Variants in SLC22A16 observed in about 807,000 individuals in gnomAD.
SLC22A16 encodes solute carrier family 22 member 16.
SLC22A16 carries 53 observed loss-of-function variants against 52.9 expected under a neutral mutation model. The observed-to-expected ratio is 1.00, with a 90% CI of 0.80 to 1.26. SLC22A16 has a LOEUF of 1.26. SLC22A16 is among the 50% of genes most tolerant of loss of function. SLC22A16 has a pLI of 0.00. For missense variants in SLC22A16, 726 were observed against 704.0 expected (o/e 1.03, Z -0.35); for synonymous variants, 291 against 268.8 (o/e 1.08, Z -0.81).
At chr6:110,474,004 C>G (rs758860691) in intron 1 of SLC22A16, among the ~76,000 whole-genome samples, 1 of 152,096 alleles carries the variant, frequency 6.6e-6, no homozygotes, top group African/African-American at 2.4e-5. Context: ...CAGCGGCCAG[C>G]GAGCATTACT....
At chr6:110,465,010 A>G (rs1211317194) in intron 1 of SLC22A16, among the ~76,000 whole-genome samples, 7 of 152,012 alleles carry the variant, frequency 4.6e-5, no homozygotes, top group Non-Finnish European at 7.4e-5. Context: ...AATGTCATTC[A>G]CCACGTAAAC....
chr6:110,467,246 C>T (rs1255911638), intron 1 of SLC22A16, among the ~76,000 whole-genome samples: 2 of 151,928 alleles, frequency 1.3e-5, no homozygotes, highest in Non-Finnish European at 2.9e-5. Context: ...TCACTGCCAG[C>T]TTCTCTCAGT....
At chr6:110,436,505 G>A (rs1029616419) in intron 5 of SLC22A16, among the ~76,000 whole-genome samples, 1 of 152,066 alleles carries the variant, frequency 6.6e-6, no homozygotes. Context: ...ACATGCCTGT[G>A]GTCCCAGCTA....
chr6:110,429,563 A>AT (rs1774412680), intron 7 of SLC22A16, among the ~76,000 whole-genome samples: 1 of 152,226 alleles, frequency 6.6e-6, no homozygotes, highest in East Asian at 1.9e-4. Flanking sequence ...AATCTATTTG[A>AT]TTTAAAATAG....
At chr6:110,437,888 C>T (rs912231220) in intron 5 of SLC22A16, among the ~76,000 whole-genome samples, 2 of 152,102 alleles carry the variant, frequency 1.3e-5, no homozygotes, top group African/African-American at 4.8e-5. Context: ...TAAAAACAAG[C>T]TCCTTGGGGT....
At chr6:110,460,714 C>A (rs1038226680) in intron 1 of SLC22A16, among the ~76,000 whole-genome samples, 1 of 152,186 alleles carries the variant, frequency 6.6e-6, no homozygotes, top group Non-Finnish European at 1.5e-5. Flanking sequence ...CACTGCCCTG[C>A]CCAAGCAACC....
At chr6:110,454,088 C>A (rs1481070750) in intron 2 of SLC22A16, among the ~76,000 whole-genome samples, 3 of 152,180 alleles carry the variant, frequency 2.0e-5, no homozygotes, top group African/African-American at 7.2e-5. Context: ...ACACCTCCCA[C>A]TAGGCCTCAC....
At chr6:110,429,142 A>G (rs1206509945) in intron 7 of SLC22A16, among the ~76,000 whole-genome samples, 1 of 151,816 alleles carries the variant, frequency 6.6e-6, no homozygotes, top group Non-Finnish European at 1.5e-5. Context: ...ATCTTTTTTG[A>G]AAAAAAATAA....
At chr6:110,476,365 C>A in intron 1 of SLC22A16, 157 bp downstream of exon 1, 1 of 1,360,734 alleles carries the variant, frequency 7.3e-7, no homozygotes, top group Non-Finnish European at 9.4e-7. Context: ...CAGCTAGGGG[C>A]CGGCGTCTGG....
At chr6:110,456,402 G>T in intron 2 of SLC22A16, 136 bp downstream of exon 2, 1 of 1,083,808 alleles carries the variant, frequency 9.2e-7, no homozygotes, top group Non-Finnish European at 1.3e-6. Context: ...CTAAATAATG[G>T]ATCAGCAAAG....
At chr6:110,432,299 G>A (rs1192935127) in intron 6 of SLC22A16, among the ~76,000 whole-genome samples, 2 of 152,082 alleles carry the variant, frequency 1.3e-5, no homozygotes, top group African/African-American at 4.8e-5. Context: ...TTTACATATT[G>A]GATTTTTTTG....
intron 4 of SLC22A16, among the ~76,000 whole-genome samples, chr6:110,439,081 T>A (rs1774861080): frequency 6.6e-6 from 1 of 152,226 alleles, no homozygotes; most frequent in South Asian, 2.1e-4. Flanking sequence ...GCCTGGCACC[T>A]GCAAATGGCA....
At chr6:110,473,648 C>T (rs1352047218) in intron 1 of SLC22A16, among the ~76,000 whole-genome samples, 2 of 150,364 alleles carry the variant, frequency 1.3e-5, no homozygotes, top group Non-Finnish European at 3.0e-5. Flanking sequence ...CCTCAGCCTC[C>T]CAAGTAGCTG....
At position 110,435,964 on chromosome 6, in the gene SLC22A16, G is replaced by A; in HGVS notation, c.1312-3C>T. 6.2e-7 allele frequency: 1 copy of A among 1,605,264 alleles called. No individual in the cohort carries two copies. Among genetic ancestry groups the A allele is most frequent in the East Asian group, 2.2e-5 (1 of 44,814 alleles). On this transcript the variant is annotated splice_polypyrimidine_tract_variant and splice_region_variant and intron_variant, in intron 5 of 7. Coordinates refer to ENST00000368919, the MANE Select transcript of SLC22A16 (RefSeq NM_033125.4). ...ACCACACCCAAAATATAATGTTTCTGAAAAAAATTTAGCAGAATAGATCAT... is the reference window on the plus strand; with the variant it reads ...ACCACACCCAAAATATAATGTTTCTAAAAAAAATTTAGCAGAATAGATCAT...
At chr6:110,448,123 T>C (rs1775245858) in intron 2 of SLC22A16, among the ~76,000 whole-genome samples, 1 of 152,194 alleles carries the variant, frequency 6.6e-6, no homozygotes, top group Admixed American at 6.5e-5. Context: ...CAGCAATGTA[T>C]GAGGGTTTTG....
rs530367669 is a variant in SLC22A16, at chr6:110,427,444, C to A, written c.1522-2359G>T. Among the ~76,000 whole-genome samples the A allele has an allele frequency of 4.5e-4, 69 of 152,174 alleles. No homozygotes were observed. The South Asian group carries it at 6.9e-3, about 15-fold the overall frequency. The stretch of plus-strand genomic sequence containing the variant: ...ATGAAAGAATAGTATCTGTCGCAAA[C>A]GACTGTTGAGAGGATGAAATTAAAT... On this transcript the variant is annotated intron_variant, in intron 7 of 7. Coordinates refer to ENST00000368919, the MANE Select transcript of SLC22A16 (RefSeq NM_033125.4).
chr6:110,464,193 A>G (rs1438781015), intron 1 of SLC22A16, among the ~76,000 whole-genome samples: 1 of 152,128 alleles, frequency 6.6e-6, no homozygotes, highest in East Asian at 1.9e-4. Flanking sequence ...TCAAAAAGAC[A>G]GATCTCAAAT....
chr6:110,448,083 A>T (rs552829704), intron 2 of SLC22A16, among the ~76,000 whole-genome samples: 38 of 152,198 alleles, frequency 2.5e-4, no homozygotes, highest in Non-Finnish European at 4.6e-4. Flanking sequence ...ACTGGTTTCC[A>T]AGATGGCCGC....
intron 2 of SLC22A16, among the ~76,000 whole-genome samples, chr6:110,454,621 A>ATTAT (rs1491231215): frequency 1.8e-4 from 10 of 54,720 alleles, no homozygotes; most frequent in Non-Finnish European, 2.7e-4. Flanking sequence ...TTTTATATAT[A>ATTAT]ATATATATTT....
Sources: gnomAD v4.1 joint callset for allele counts (sites outside exome capture counted in the v4.1 genomes callset) on GRCh38, gnomAD v4.1.1 for gene constraint, MANE v1.5 for transcripts, NCBI Gene and HGNC (gene_info 2026-07-23, HGNC 2026-07-21) for gene names.